GLIS3: variants seen among roughly 807,000 people sequenced by gnomAD.
The protein encoded by GLIS3 is GLIS family zinc finger 3, also known as zinc finger protein GLIS3.
Under a neutral mutation model 78.6 loss-of-function variants are expected in GLIS3, and 53 were observed. The observed-to-expected ratio is 0.67, with a 90% CI of 0.54 to 0.85. GLIS3 has a LOEUF of 0.85. Among genes scored for constraint, GLIS3 ranks in the 40% least tolerant of loss-of-function variants. GLIS3 has a pLI of 0.00. For missense variants in GLIS3, 1,703 were observed against 1,231.1 expected, an observed-to-expected ratio of 1.38 and a Z score of -5.74; for synonymous variants, 684 against 509.9, an observed-to-expected ratio of 1.34 and a Z score of -4.60.
intron 2 of GLIS3, among the ~76,000 whole-genome samples, chr9:4,204,320 C>A (rs142824509): frequency 0.01 from 1,526 of 152,210 alleles, 30 homozygotes; most frequent in African/African-American, 0.034. Flanking sequence ...AAATATTTGG[C>A]TTTGGTTTTT....
intron 4 of GLIS3, among the ~76,000 whole-genome samples, chr9:4,078,282 G>C (rs1320017002): frequency 1.3e-5 from 2 of 152,098 alleles, no homozygotes; most frequent in Non-Finnish European, 2.9e-5. Flanking sequence ...CTAAAATGGA[G>C]GTATGGAGTA....
the GLIS3 span, among the ~76,000 whole-genome samples, chr9:4,371,839 A>C: frequency 6.6e-6 from 1 of 152,224 alleles, no homozygotes; most frequent in Non-Finnish European, 1.5e-5. Flanking sequence ...CTTTTGCTTC[A>C]AAGATAGAGG....
the GLIS3 span, among the ~76,000 whole-genome samples, chr9:4,439,669 G>A: frequency 7.9e-5 from 12 of 152,132 alleles, no homozygotes; most frequent in African/African-American, 9.7e-5. Context: ...TTATGCAGTT[G>A]TTTTTGGTTT....
At chr9:4,372,434 GC>G in the GLIS3 span, among the ~76,000 whole-genome samples, 86 of 151,702 alleles carry the variant, frequency 5.7e-4, no homozygotes, top group African/African-American at 2.0e-3. Context: ...ACATCAACTT[GC>G]CTGTAAGCAT....
chr9:4,173,005 C>G (rs1816503987), intron 2 of GLIS3, among the ~76,000 whole-genome samples: 1 of 152,142 alleles, frequency 6.6e-6, no homozygotes, highest in Non-Finnish European at 1.5e-5. Flanking sequence ...AATGTTGGCT[C>G]TGTATTTATT....
chr9:4,408,932 G>T, the GLIS3 span, among the ~76,000 whole-genome samples: 4 of 151,596 alleles, frequency 2.6e-5, no homozygotes, highest in Non-Finnish European at 5.9e-5. Flanking sequence ...GCATACCTGT[G>T]CCAAAATATC....
chr9:4,452,848 T>C, the GLIS3 span, among the ~76,000 whole-genome samples: 6 of 152,286 alleles, frequency 3.9e-5, no homozygotes, highest in Non-Finnish European at 8.8e-5. Context: ...AGAGCCCATA[T>C]AGCCGAGACA....
chr9:4,468,108 G>C, the GLIS3 span, among the ~76,000 whole-genome samples: 1 of 152,158 alleles, frequency 6.6e-6, no homozygotes, highest in Non-Finnish European at 1.5e-5. Flanking sequence ...AAAAAGAAAT[G>C]AACAAAGCCT....
intron 2 of GLIS3, among the ~76,000 whole-genome samples, chr9:4,183,726 A>T (rs746338534): frequency 5.3e-5 from 8 of 152,224 alleles, no homozygotes; most frequent in Non-Finnish European, 8.8e-5. Context: ...ATTACTTTCA[A>T]CTAGACTAGC....
upstream of GLIS3, among the ~76,000 whole-genome samples, chr9:4,351,649 AATG>A (rs1374658280): frequency 6.6e-6 from 1 of 152,210 alleles, no homozygotes; most frequent in South Asian, 2.1e-4. Flanking sequence ...ATGAACATCA[AATG>A]ATAAGGAAAG....
intron 2 of GLIS3, among the ~76,000 whole-genome samples, chr9:4,170,445 G>A (rs899783700): frequency 6.6e-6 from 1 of 152,060 alleles, no homozygotes; most frequent in Non-Finnish European, 1.5e-5. Context: ...CTAAGACATG[G>A]CACACGGTGT....
upstream of GLIS3, among the ~76,000 whole-genome samples, chr9:4,348,953 T>C (rs1460825178): frequency 3.9e-5 from 6 of 152,206 alleles, no homozygotes; most frequent in Non-Finnish European, 7.3e-5. Context: ...ATAGGAAACA[T>C]ATATTACATT....
chr9:4,020,065 C>A (rs539286536), intron 4 of GLIS3, among the ~76,000 whole-genome samples: 15 of 152,074 alleles, frequency 9.9e-5, no homozygotes, highest in Non-Finnish European at 1.3e-4. Flanking sequence ...ATTTTAAATA[C>A]AATGTTAACA....
At chr9:4,198,616 G>C (rs1410534145) in intron 2 of GLIS3, among the ~76,000 whole-genome samples, 1 of 152,122 alleles carries the variant, frequency 6.6e-6, no homozygotes, top group Non-Finnish European at 1.5e-5. Flanking sequence ...TGGAGAAAAA[G>C]AAAATACCTT....
intron 4 of GLIS3, among the ~76,000 whole-genome samples, chr9:4,025,991 G>A (rs989630390): frequency 6.6e-6 from 1 of 152,182 alleles, no homozygotes; most frequent in African/African-American, 2.4e-5. Flanking sequence ...ATGTTTAAAA[G>A]TAGAAGTCAT....
intron 4 of GLIS3, among the ~76,000 whole-genome samples, chr9:4,050,111 G>T (rs1825609307): frequency 6.6e-6 from 1 of 152,068 alleles, no homozygotes; most frequent in South Asian, 2.1e-4. Context: ...TATAACCAAA[G>T]GTTTATAAAT....
chr9:4,263,353 G>C (rs886655881), intron 2 of GLIS3, among the ~76,000 whole-genome samples: 3 of 152,146 alleles, frequency 2.0e-5, no homozygotes, highest in African/African-American at 7.2e-5. Context: ...TGGTTTAGAT[G>C]TTTTTCATTA....
chr9:4,173,722 G>A (rs1164757335), intron 2 of GLIS3, among the ~76,000 whole-genome samples: 1 of 151,932 alleles, frequency 6.6e-6, no homozygotes. Context: ...ACAGCCTCCG[G>A]AGTAGCTGGA....
chr9:4,074,191 C>T (rs562121374), intron 4 of GLIS3, among the ~76,000 whole-genome samples: 2 of 152,272 alleles, frequency 1.3e-5, no homozygotes, highest in East Asian at 3.9e-4. Context: ...ATATCATGAA[C>T]CAGGGGTCTC....
Sources: allele counts gnomAD v4.1 joint callset (sites outside exome capture counted in the v4.1 genomes callset), GRCh38; gene constraint gnomAD v4.1.1; transcripts MANE v1.5; gene names NCBI Gene and HGNC (gene_info 2026-07-23, HGNC 2026-07-21).